DSCAML1: variants seen among roughly 807,000 people sequenced by gnomAD.
The protein encoded by DSCAML1 is DS cell adhesion molecule like 1.
In DSCAML1, 38 loss-of-function variants were observed where a neutral mutation model predicts 200.5. The observed-to-expected ratio is 0.19, with a 90% CI of 0.15 to 0.25. The LOEUF is 0.25. DSCAML1 is among the 10% of genes least tolerant of loss of function. The pLI, the probability that DSCAML1 is intolerant of heterozygous loss-of-function variation, is 1.00. For synonymous variants in DSCAML1, 1,215 were observed against 1,165.0 expected (o/e 1.04, Z -0.87); for missense variants, 2,223 against 2,858.8 (o/e 0.78, Z 5.07).
chr11:117,577,528 TCCTTC>T, intron 3 of DSCAML1, among the ~76,000 whole-genome samples: 1 of 89,602 alleles, frequency 1.1e-5, no homozygotes, highest in African/African-American at 5.1e-5. Flanking sequence ...CTTCCTTCCT[TCCTTC>T]CTTTCCTTCC....
intron 3 of DSCAML1, 116 bp downstream of exon 3, chr11:117,776,675 C>G: frequency 7.6e-7 from 1 of 1,319,252 alleles, no homozygotes; most frequent in Admixed American, 2.0e-5. Flanking sequence ...CAAGTCACTC[C>G]CCAGAGCCAA....
At chr11:117,566,012 G>GT (rs2050749732) in intron 3 of DSCAML1, among the ~76,000 whole-genome samples, 1 of 152,224 alleles carries the variant, frequency 6.6e-6, no homozygotes, top group Non-Finnish European at 1.5e-5. Flanking sequence ...CCTAAGCCAG[G>GT]TTCTCAGAGC....
In DSCAML1 at chr11:117,572,730, A is replaced by T. The variant is rs200544837; in HGVS notation, c.512-40208T>A. 5.9e-5 allele frequency among the ~76,000 whole-genome samples: 9 copies of T among 152,204 alleles called. No individual in the cohort carries two copies. The East Asian group carries it at 1.5e-3, about 26-fold the overall frequency. On this transcript the variant is annotated intron_variant, in intron 3 of 32. Transcript: ENST00000651296. ...CAAATCAGTTGAGTGAAGGCAAATGAGTCCCTGCCCTTCATTAGATAAGTG... is the reference window on the plus strand; with the variant it reads ...CAAATCAGTTGAGTGAAGGCAAATGTGTCCCTGCCCTTCATTAGATAAGTG...
intron 3 of DSCAML1, among the ~76,000 whole-genome samples, chr11:117,551,767 C>CA (rs1179283290): frequency 6.7e-6 from 1 of 149,630 alleles, no homozygotes; most frequent in Non-Finnish European, 1.5e-5. Context: ...GTAATTTACC[C>CA]ACAGGGCCTT....
rs1349763464 is a variant in DSCAML1, at chr11:117,463,931, G to C, written c.3265+1011C>G. Among the ~76,000 whole-genome samples, 1 of 152,156 alleles carries C rather than the reference G, an allele frequency of 6.6e-6. No individual in the cohort carries two copies. The highest frequency in any genetic ancestry group is 2.4e-5 in the African/African-American group (1 of 41,416). ...CTGGTGGCCAGCGTTAGGAACCATT[G>C]GTATGAGCGAATCTACTTTCAGGTG... is the stretch of plus-strand genomic sequence containing the variant. On this transcript the variant is annotated intron_variant, in intron 17 of 32. Coordinates refer to ENST00000651296, the MANE Select transcript of DSCAML1 (RefSeq NM_020693.4). The surrounding 1 kb of genome is among the most constrained non-coding windows in gnomAD (Gnocchi z 4.0).
chr11:117,761,335 G>A (rs905554648), intron 3 of DSCAML1, among the ~76,000 whole-genome samples: 8 of 152,174 alleles, frequency 5.3e-5, no homozygotes, highest in Non-Finnish European at 1.0e-4. Context: ...CTCAGCTCTG[G>A]ACACCCAGCC....
rs2048643783 is a variant in DSCAML1 at position 117,469,503 on chromosome 11, CAGAGGT to C, written c.3024+401_3024+406del. Among the ~76,000 whole-genome samples the C allele has an allele frequency of 6.6e-6, 1 of 152,178 alleles. No individual in the cohort carries two copies. The highest frequency in any genetic ancestry group is 2.4e-5 in the African/African-American group (1 of 41,426). On this transcript the variant is annotated intron_variant, in intron 16 of 32. Coordinates refer to ENST00000651296, the MANE Select transcript of DSCAML1 (RefSeq NM_020693.4). The surrounding 1 kb of genome is among the most constrained non-coding windows in gnomAD (Gnocchi z 4.1). ...CTTTTCTCTACAGTTTCTCCACCCT[CAGAGGT>C]AGGGAGGGCAGTTGTTTTCATGCTG... is the stretch of plus-strand genomic sequence containing the variant.
At chr11:117,433,324 G>C (rs1565672911) in intron 28 of DSCAML1, 68 bp from the exon 29 acceptor site, 1 of 1,568,392 alleles carries the variant, frequency 6.4e-7, no homozygotes, top group East Asian at 2.2e-5. Flanking sequence ...GGCTCTGCAG[G>C]ACAGTGGGAT....
At chr11:117,542,080 A>AGG (rs941438296) in intron 3 of DSCAML1, among the ~76,000 whole-genome samples, 8 of 152,040 alleles carry the variant, frequency 5.3e-5, no homozygotes, top group Admixed American at 4.6e-4. Flanking sequence ...GAGGCCAAGT[A>AGG]GGGTGGATCA....
chr11:117,590,919 G>T (rs910970531), intron 3 of DSCAML1, among the ~76,000 whole-genome samples: 2 of 152,228 alleles, frequency 1.3e-5, no homozygotes, highest in African/African-American at 4.8e-5. Context: ...AGTGTATGTA[G>T]GAGAGAAATC....
chr11:117,671,839 C>T (rs572955440), intron 3 of DSCAML1, among the ~76,000 whole-genome samples: 5 of 152,198 alleles, frequency 3.3e-5, no homozygotes, highest in South Asian at 4.2e-4. Context: ...GGGGCCGGCG[C>T]GGTGGCTCAC....
intron 14 of DSCAML1, among the ~76,000 whole-genome samples, chr11:117,475,999 A>G (rs1238431591): frequency 2.0e-5 from 3 of 151,708 alleles, no homozygotes; most frequent in Admixed American, 6.6e-5. Context: ...CAGGGGCCCT[A>G]TTTTCTTCCT....
Position 117,428,385 on chromosome 11 carries a change from T to A in DSCAML1, c.6105A>T (p.Val2035=). 1 of 1,591,384 alleles carries A rather than the reference T, an allele frequency of 6.3e-7. No individual in the cohort carries two copies. The highest frequency in any genetic ancestry group is 8.5e-7 in the Non-Finnish European group (1 of 1,171,634). ...DSLLEMSTSG[V]GRSQKQGAGA... is the part of the protein sequence containing the mutation. ...CGGCCCCCTGCTTCTGAGACCTCCC[T>A]ACCCCCGATGTGCTCATCTCGAGAA... Residue 2035 remains valine (V), a synonymous_variant, in exon 33 of 33, where the codon GTA becomes GTT. Coordinates refer to ENST00000651296, the MANE Select transcript of DSCAML1 (RefSeq NM_020693.4).
chr11:117,629,758 A>T (rs1418477082), intron 3 of DSCAML1, among the ~76,000 whole-genome samples: 1 of 152,186 alleles, frequency 6.6e-6, no homozygotes, highest in African/African-American at 2.4e-5. Flanking sequence ...GAGCTTTAAG[A>T]GGCCAAGGTG....
intron 8 of DSCAML1, among the ~76,000 whole-genome samples, chr11:117,514,174 TCTC>T (rs2049707558): frequency 6.6e-6 from 1 of 152,146 alleles, no homozygotes; most frequent in African/African-American, 2.4e-5. Context: ...GGACCCCTCT[TCTC>T]TTTTTCTTCC....
At position 117,505,063 on chromosome 11, in the gene DSCAML1, A is replaced by G. The variant is rs1196167932; in HGVS notation, c.2063-20T>C. On this transcript the variant is annotated intron_variant, in intron 9 of 32. Transcript: ENST00000651296. The surrounding 1 kb of genome is among the most constrained non-coding windows in gnomAD (Gnocchi z 6.7). ...GGGGCACTGCAGAAAGAGGGAAGGT[A>G]GGGAAACAGACCATTTTAGTCTCTG... 1 of 1,604,830 alleles carries G rather than the reference A, an allele frequency of 6.2e-7. No homozygotes were observed. Among genetic ancestry groups the G allele is most frequent in the Non-Finnish European group, 8.5e-7 (1 of 1,175,048 alleles).
intron 8 of DSCAML1, among the ~76,000 whole-genome samples, chr11:117,507,410 G>C (rs2049522865): frequency 6.6e-6 from 1 of 152,182 alleles, no homozygotes; most frequent in South Asian, 2.1e-4. Context: ...CGCCCTCAGG[G>C]CACCCCTGCA....
intron 3 of DSCAML1, among the ~76,000 whole-genome samples, chr11:117,622,924 A>G (rs932852824): frequency 1.3e-5 from 2 of 152,194 alleles, no homozygotes; most frequent in Admixed American, 1.3e-4. Flanking sequence ...TAAATGCTGC[A>G]AGGTGTACAC....
chr11:117,657,455 C>G (rs994430848), intron 3 of DSCAML1, among the ~76,000 whole-genome samples: 8 of 152,194 alleles, frequency 5.3e-5, no homozygotes, highest in African/African-American at 1.7e-4. Flanking sequence ...CAGGAAAAAG[C>G]GTGTCTCTCC....
Sources: gnomAD v4.1 joint callset for allele counts (sites outside exome capture counted in the v4.1 genomes callset) on GRCh38, gnomAD v4.1.1 for gene constraint, Gnocchi (gnomAD v3.1) non-coding constraint, MANE v1.5 for transcripts, NCBI Gene and HGNC (gene_info 2026-07-23, HGNC 2026-07-21) for gene names.